Variants in SUMF1 observed in about 807,000 individuals in gnomAD.
SUMF1 encodes sulfatase modifying factor 1.
Under a neutral mutation model 47.6 loss-of-function variants are expected in SUMF1, and 48 were observed. The ratio of observed to expected loss-of-function variants is 1.01; its 90% CI spans 0.80 to 1.28. The LOEUF is 1.28. SUMF1 is among the 50% of genes most tolerant of loss of function. The pLI is 0.00. For missense variants in SUMF1, 571 were observed against 485.4 expected (o/e 1.18, Z -1.66); for synonymous variants, 230 against 192.1 (o/e 1.20, Z -1.63).
intron 8 of SUMF1, among the ~76,000 whole-genome samples, chr3:4,108,024 C>T (rs922111615): frequency 2.6e-5 from 4 of 151,990 alleles, no homozygotes; most frequent in Admixed American, 6.6e-5. Flanking sequence ...AACCCAAATG[C>T]CCAACAATAG....
intron 8 of SUMF1, among the ~76,000 whole-genome samples, chr3:4,217,121 C>T (rs558633092): frequency 1.6e-4 from 25 of 152,128 alleles, no homozygotes; most frequent in Middle Eastern, 3.4e-3. Flanking sequence ...ACCCAAATGC[C>T]CATCGATGAT....
intron 8 of SUMF1, among the ~76,000 whole-genome samples, chr3:4,275,968 C>T (rs776016493): frequency 6.6e-6 from 1 of 152,150 alleles, no homozygotes; most frequent in Non-Finnish European, 1.5e-5. Context: ...TCCTAGAAGG[C>T]TAATTTCCCA....
intron 8 of SUMF1, among the ~76,000 whole-genome samples, chr3:4,086,864 T>C (rs886616134): frequency 5.3e-5 from 8 of 152,074 alleles, no homozygotes; most frequent in Non-Finnish European, 1.2e-4. Context: ...TTCTGTCTTG[T>C]CTGCTGCCAC....
chr3:4,215,497 C>T (rs747861330), intron 8 of SUMF1, among the ~76,000 whole-genome samples: 1 of 152,156 alleles, frequency 6.6e-6, no homozygotes, highest in Non-Finnish European at 1.5e-5. Flanking sequence ...GGCAAGGATG[C>T]CCTCTCTCAC....
At chr3:4,426,579 C>A (rs1702075768) in intron 3 of SUMF1, among the ~76,000 whole-genome samples, 2 of 152,174 alleles carry the variant, frequency 1.3e-5, no homozygotes, top group African/African-American at 4.8e-5. Context: ...AAACAAACAA[C>A]TTTTAAGAGT....
At chr3:4,267,628 T>C (rs1315235186) in intron 8 of SUMF1, among the ~76,000 whole-genome samples, 7 of 151,778 alleles carry the variant, frequency 4.6e-5, no homozygotes, top group Non-Finnish European at 1.0e-4. Flanking sequence ...AAAAAACACA[T>C]GAAAAAATGC....
At chr3:4,043,684 G>T (rs1694951123) in intron 9 of SUMF1, among the ~76,000 whole-genome samples, 1 of 152,014 alleles carries the variant, frequency 6.6e-6, no homozygotes, top group Non-Finnish European at 1.5e-5. Context: ...TTTCTCCATA[G>T]GAAAGAATTT....
At chr3:4,154,216 G>C (rs1429855795) in intron 8 of SUMF1, among the ~76,000 whole-genome samples, 1 of 151,466 alleles carries the variant, frequency 6.6e-6, no homozygotes, top group Non-Finnish European at 1.5e-5. Flanking sequence ...TGGCAGCATG[G>C]AGAAAGGCAT....
In SUMF1 at chr3:4,188,629, G is replaced by A. The variant is rs73806924; in HGVS notation, c.1015-119884C>T. Among the ~76,000 whole-genome samples the A allele has an allele frequency of 6.4e-3, 969 of 152,256 alleles. 17 individuals are homozygous for A. The highest frequency in any genetic ancestry group is 0.022 in the African/African-American group (929 of 41,554). ...TAAGGCAGTGTAGCCTAGTGTCTAA[G>A]AGTGCAGCTGGGAGACAAACTACTC... On this transcript the variant is annotated intron_variant and NMD_transcript_variant, in intron 8 of 12. Coordinates refer to the SUMF1 transcript ENST00000448413.
rs549042050 is a variant in SUMF1 at position 4,277,316 on chromosome 3, G to A, written c.1014+99014C>T. On this transcript the variant is annotated intron_variant and NMD_transcript_variant, in intron 8 of 12. Transcript: ENST00000448413. ...CCAGGTCTCCTTTCCCAAAAGCCTG[G>A]TGTTCTTTCCATTACCTTATCAACA... Among the ~76,000 whole-genome samples the A allele has an allele frequency of 5.3e-5, 8 of 152,224 alleles. No homozygotes were observed. The East Asian group carries it at 1.5e-3, about 29-fold the overall frequency.
intron 5 of SUMF1, 68 bp downstream of exon 5, chr3:4,417,942 T>G (rs981343882): frequency 6.2e-7 from 1 of 1,611,530 alleles, no homozygotes; most frequent in Admixed American, 1.7e-5. Flanking sequence ...TTCCATGGAG[T>G]TTTTTGTTGT....
At chr3:4,079,192 G>A (rs770904844) in intron 8 of SUMF1, among the ~76,000 whole-genome samples, 6 of 152,048 alleles carry the variant, frequency 3.9e-5, no homozygotes, top group Admixed American at 2.6e-4. Context: ...AGCTCAGCCA[G>A]CCAAAATACC....
In SUMF1 at chr3:4,153,514, C is replaced by T. The variant is rs13086648; in HGVS notation, c.1015-84769G>A. ...TACAGGTGTGAGCCACAATGCCCCG[C>T]CTTGTAGGTTTTTTTTTTTTTTACT... On this transcript the variant is annotated intron_variant and NMD_transcript_variant, in intron 8 of 12. Transcript: ENST00000448413. Among the ~76,000 whole-genome samples, 37 of 145,302 alleles carry T rather than the reference C, an allele frequency of 2.5e-4. 2 individuals are homozygous for T. The highest frequency in any genetic ancestry group is 8.1e-4 in the African/African-American group (32 of 39,368).
At chr3:4,319,399 C>G (rs981419465) in intron 8 of SUMF1, among the ~76,000 whole-genome samples, 1 of 152,066 alleles carries the variant, frequency 6.6e-6, no homozygotes, top group Non-Finnish European at 1.5e-5. Context: ...CCCTGACCAA[C>G]TACAACTGGG....
intron 8 of SUMF1, among the ~76,000 whole-genome samples, chr3:4,315,092 G>T (rs1295648286): frequency 6.6e-6 from 1 of 152,028 alleles, no homozygotes; most frequent in Non-Finnish European, 1.5e-5. Flanking sequence ...TGAACAAATG[G>T]TACTAGAGTA....
intron 8 of SUMF1, among the ~76,000 whole-genome samples, chr3:4,226,838 C>T (rs144550495): frequency 2.7e-5 from 4 of 150,804 alleles, no homozygotes; most frequent in African/African-American, 9.8e-5. Context: ...CTGCCAGTAA[C>T]TTTTATATGC....
chr3:4,195,630 T>C (rs904409077), intron 8 of SUMF1, among the ~76,000 whole-genome samples: 1 of 152,200 alleles, frequency 6.6e-6, no homozygotes, highest in Non-Finnish European at 1.5e-5. Context: ...GTAGGAATTA[T>C]GAATAGGCAA....
chr3:4,251,418 G>T (rs1696799455), intron 8 of SUMF1, among the ~76,000 whole-genome samples: 1 of 152,200 alleles, frequency 6.6e-6, no homozygotes. Context: ...TGACAACAAA[G>T]GATTTGTAAT....
rs1693977365 is a variant in SUMF1 at position 4,137,801 on chromosome 3, C to G, written c.1015-69056G>C. On this transcript the variant is annotated intron_variant and NMD_transcript_variant, in intron 8 of 12. Coordinates refer to the SUMF1 transcript ENST00000448413. Reference sequence around the variant, plus strand: ...TTTATTTACCACTGTACTGGAGGTTCTAGCCAGAGCAACTGCGCAGAAAAA... The same window carrying G: ...TTTATTTACCACTGTACTGGAGGTTGTAGCCAGAGCAACTGCGCAGAAAAA... Among the ~76,000 whole-genome samples the G allele has an allele frequency of 2.6e-5, 4 of 152,106 alleles. No individual in the cohort carries two copies. In the South Asian group the frequency reaches 8.3e-4, roughly 32 times the overall value.
Sources: gnomAD v4.1 joint callset for allele counts (sites outside exome capture counted in the v4.1 genomes callset) on GRCh38, gnomAD v4.1.1 for gene constraint, MANE v1.5 for transcripts, NCBI Gene and HGNC (gene_info 2026-07-23, HGNC 2026-07-21) for gene names.